The following PLCB4 variants were observed in gnomAD, a reference collection of about 807,000 sequenced individuals.
The protein encoded by PLCB4 is 1-phosphatidylinositol 4,5-bisphosphate phosphodiesterase beta-4.
In PLCB4, 77 loss-of-function variants were observed where a neutral mutation model predicts 178.8. The observed-to-expected ratio is 0.43, with a 90% CI of 0.36 to 0.52. PLCB4 has a LOEUF of 0.52. PLCB4 is among the 20% of genes least tolerant of loss of function. The pLI is 0.00. For synonymous variants in PLCB4, 496 were observed against 490.8 expected, an observed-to-expected ratio of 1.01 and a Z score of -0.14; for missense variants, 1,024 against 1,453.4, an observed-to-expected ratio of 0.70 and a Z score of 4.80.
At chr20:9,129,277 C>G (rs542148798) in intron 2 of PLCB4, among the ~76,000 whole-genome samples, 1 of 152,272 alleles carries the variant, frequency 6.6e-6, no homozygotes, top group African/African-American at 2.4e-5. Context: ...AAGTCAGTCC[C>G]CCTCCCACCA....
chr20:9,428,689 G>T (rs928651115), intron 28 of PLCB4, among the ~76,000 whole-genome samples: 2 of 152,014 alleles, frequency 1.3e-5, no homozygotes, highest in African/African-American at 4.8e-5. Context: ...TTTTTCTTCT[G>T]CCTGTACCTC....
intron 32 of PLCB4, among the ~76,000 whole-genome samples, chr20:9,448,865 G>C (rs2042576225): frequency 1.3e-5 from 2 of 152,294 alleles, no homozygotes; most frequent in South Asian, 2.1e-4. Flanking sequence ...TTAGCTACCA[G>C]ATAGAAAGGA....
At chr20:9,073,023 C>T (rs1030687967) in intron 1 of PLCB4, among the ~76,000 whole-genome samples, 1 of 152,160 alleles carries the variant, frequency 6.6e-6, no homozygotes, top group African/African-American at 2.4e-5. Context: ...CTGGGATTCT[C>T]CTTCAAAGCT....
At chr20:9,234,792 C>T (rs562522665) in intron 3 of PLCB4, among the ~76,000 whole-genome samples, 2 of 152,132 alleles carry the variant, frequency 1.3e-5, no homozygotes, top group East Asian at 3.9e-4. Context: ...GAAAAAGAGG[C>T]TGGTTCTTTG....
At chr20:9,109,924 C>T (rs2091512958) in intron 2 of PLCB4, among the ~76,000 whole-genome samples, 1 of 152,026 alleles carries the variant, frequency 6.6e-6, no homozygotes, top group Non-Finnish European at 1.5e-5. Flanking sequence ...CAATTCAGGC[C>T]TCAGTATTGG....
chr20:9,267,418 CTTCTT>C (rs2094359615), intron 3 of PLCB4, among the ~76,000 whole-genome samples: 1 of 152,078 alleles, frequency 6.6e-6, no homozygotes, highest in African/African-American at 2.4e-5. Context: ...TGGTTAATTA[CTTCTT>C]TTCTTCTGTG....
At chr20:9,404,855 C>T (rs1226127581) in intron 20 of PLCB4, among the ~76,000 whole-genome samples, 3 of 152,070 alleles carry the variant, frequency 2.0e-5, no homozygotes, top group African/African-American at 7.2e-5. Flanking sequence ...CTTGGCTTGG[C>T]CCTCATGACC....
intron 2 of PLCB4, among the ~76,000 whole-genome samples, chr20:9,107,170 C>T (rs1475537803): frequency 1.3e-5 from 2 of 152,074 alleles, no homozygotes; most frequent in Non-Finnish European, 2.9e-5. Context: ...AAAGAAAAAC[C>T]AGGTTATAGT....
intron 28 of PLCB4, among the ~76,000 whole-genome samples, chr20:9,426,768 A>G (rs2148596679): frequency 6.6e-6 from 1 of 152,294 alleles, no homozygotes; most frequent in East Asian, 1.9e-4. Flanking sequence ...ATGTCATGAA[A>G]TATTTTTATA....
At chr20:9,114,375 C>T (rs986594243) in intron 2 of PLCB4, among the ~76,000 whole-genome samples, 2 of 151,548 alleles carry the variant, frequency 1.3e-5, no homozygotes, top group Non-Finnish European at 1.5e-5. Context: ...TTAAGCTGGG[C>T]AGTGACCTGA....
chr20:9,436,815 G>C (rs1225018250), intron 29 of PLCB4, among the ~76,000 whole-genome samples, 187 bp from the exon 30 acceptor site: 1 of 152,178 alleles, frequency 6.6e-6, no homozygotes, highest in Non-Finnish European at 1.5e-5. Context: ...GCTAGAAAAA[G>C]AGAAAGTATT....
chr20:9,291,281 T>C (rs552033433), intron 3 of PLCB4, among the ~76,000 whole-genome samples: 2 of 152,324 alleles, frequency 1.3e-5, no homozygotes, highest in East Asian at 3.9e-4. Context: ...CTCTCCCTGC[T>C]GGTCTATCAG....
chr20:9,295,315 T>A (rs2094621364), intron 3 of PLCB4, among the ~76,000 whole-genome samples: 1 of 152,122 alleles, frequency 6.6e-6, no homozygotes, highest in Admixed American at 6.6e-5. Context: ...AGTATAGACA[T>A]CCACCATGTA....
chr20:9,321,766 T>C (rs182316392), intron 4 of PLCB4, among the ~76,000 whole-genome samples: 3 of 152,178 alleles, frequency 2.0e-5, no homozygotes, highest in Admixed American at 6.5e-5. Flanking sequence ...CCCAAGTACC[T>C]GGGACTACAG....
chr20:9,335,835 C>G (rs67213942), intron 4 of PLCB4, among the ~76,000 whole-genome samples: 10,201 of 152,192 alleles, frequency 0.067, 366 homozygotes, highest in Middle Eastern at 0.099. Flanking sequence ...ACAGAGCACA[C>G]GCCTGATACA....
chr20:9,392,260 G>C (rs1037615945), intron 17 of PLCB4, among the ~76,000 whole-genome samples: 3 of 152,216 alleles, frequency 2.0e-5, no homozygotes, highest in Non-Finnish European at 4.4e-5. Flanking sequence ...CAAAAGCAGA[G>C]ATTTATTGAA....
chr20:9,116,463 C>T (rs539368143), intron 2 of PLCB4, among the ~76,000 whole-genome samples: 1 of 152,236 alleles, frequency 6.6e-6, no homozygotes, highest in East Asian at 1.9e-4. Context: ...CTGCCCAGTT[C>T]TATTCCATTA....
At chr20:9,298,201 G>A (rs982877589) in intron 3 of PLCB4, among the ~76,000 whole-genome samples, 2 of 152,068 alleles carry the variant, frequency 1.3e-5, no homozygotes, top group Non-Finnish European at 2.9e-5. Flanking sequence ...CCCAGTTCAA[G>A]ACCATTATAT....
intron 4 of PLCB4, among the ~76,000 whole-genome samples, chr20:9,335,326 C>T (rs2032302739): frequency 6.6e-6 from 1 of 152,008 alleles, no homozygotes; most frequent in African/African-American, 2.4e-5. Flanking sequence ...TATACATGTC[C>T]CATCACACCC....
Sources: allele counts gnomAD v4.1 joint callset (sites outside exome capture counted in the v4.1 genomes callset), GRCh38; gene constraint gnomAD v4.1.1; transcripts MANE v1.5; gene names NCBI Gene and HGNC (gene_info 2026-07-23, HGNC 2026-07-21).